Variants in TIMP3 observed in about 807,000 individuals in gnomAD.
The protein encoded by TIMP3 is metalloproteinase inhibitor 3.
Under a neutral mutation model 30.0 loss-of-function variants are expected in TIMP3, and 11 were observed. The ratio of observed to expected loss-of-function variants is 0.37; its 90% CI spans 0.23 to 0.61. TIMP3 has a LOEUF of 0.61. Ranked by LOEUF, TIMP3 falls within the 20% of genes least tolerant of loss-of-function variation. The pLI is 0.70. For missense variants in TIMP3, 181 were observed against 276.8 expected, an observed-to-expected ratio of 0.65 and a Z score of 2.45; for synonymous variants, 112 against 111.3, an observed-to-expected ratio of 1.01 and a Z score of -0.04.
At chr22:32,840,309 T>C (rs1303106303) in intron 1 of TIMP3, among the ~76,000 whole-genome samples, 1 of 152,168 alleles carries the variant, frequency 6.6e-6, no homozygotes, top group Non-Finnish European at 1.5e-5. Flanking sequence ...GGCTTTGAAC[T>C]GGGACTCCTT....
At chr22:32,814,339 G>GAAAGGAAGAAAGAAAGAA (rs369652077) in intron 1 of TIMP3, among the ~76,000 whole-genome samples, 1 of 10,350 alleles carries the variant, frequency 9.7e-5, no homozygotes, top group Admixed American at 1.4e-3. Context: ...AAGAAAGAAA[G>GAAAGGAAGAAAGAAAGAA]AGAAAGAAAG....
In TIMP3 at chr22:32,862,977, A is replaced by G. The variant is rs936817284; in HGVS notation, c.*3600A>G. On this transcript the variant is annotated 3_prime_UTR_variant, in exon 5 of 5. Transcript: ENST00000266085. ...AATGTATATTGTCTTGTAATGTTGCATAATGTTCACTTTTTATAGTGTGTC... is the reference window on the plus strand; with the variant it reads ...AATGTATATTGTCTTGTAATGTTGCGTAATGTTCACTTTTTATAGTGTGTC... 7 of 152,646 alleles carry G rather than the reference A, an allele frequency of 4.6e-5. No homozygotes were observed. Among genetic ancestry groups the G allele is most frequent in the African/African-American group, 1.7e-4 (7 of 41,462 alleles). The allele number at this position is 152,646 out of a possible 1,614,324, so 9.5% of individuals were successfully genotyped here.
intron 4 of TIMP3, 51 bp from the exon 5 acceptor site, chr22:32,859,129 T>C (rs774192591): frequency 6.3e-7 from 1 of 1,599,778 alleles, no homozygotes; most frequent in Non-Finnish European, 8.6e-7. Flanking sequence ...GCCTCAGGCC[T>C]GGGCATACCA....
At chr22:32,856,009 A>G (rs1253329406) in intron 2 of TIMP3, among the ~76,000 whole-genome samples, 1 of 152,238 alleles carries the variant, frequency 6.6e-6, no homozygotes, top group East Asian at 1.9e-4. Context: ...AATAAAAAAC[A>G]TGGAGAATTT....
intron 1 of TIMP3, among the ~76,000 whole-genome samples, chr22:32,842,774 G>T (rs1462116633): frequency 6.6e-6 from 1 of 152,094 alleles, no homozygotes; most frequent in African/African-American, 2.4e-5. Context: ...GAGCACAAAG[G>T]TCTAAACAGA....
At chr22:32,851,821 A>G (rs1319444068) in intron 2 of TIMP3, among the ~76,000 whole-genome samples, 1 of 152,104 alleles carries the variant, frequency 6.6e-6, no homozygotes, top group African/African-American at 2.4e-5. Flanking sequence ...GGGTATCATG[A>G]TCCATAGAAC....
At chr22:32,802,208 T>C in intron 1 of TIMP3, 86 bp downstream of exon 1, 3 of 1,505,596 alleles carry the variant, frequency 2.0e-6, no homozygotes, top group Non-Finnish European at 2.7e-6. Context: ...GCCCCACTCC[T>C]TTCCTCTGCC....
Position 32,857,909 on chromosome 22 carries a change from A to G in TIMP3, c.317-108A>G, listed in dbSNP as rs1176091419. On this transcript the variant is annotated intron_variant, in intron 3 of 4. Transcript: ENST00000266085. ...AAATAAAATCATGGGTCTGAAAAGTACCCAGCCACAGTGCCTGGGCTAAGT... is the reference window on the plus strand; with the variant it reads ...AAATAAAATCATGGGTCTGAAAAGTGCCCAGCCACAGTGCCTGGGCTAAGT... 11 of 1,550,156 alleles carry G rather than the reference A, an allele frequency of 7.1e-6. No individual in the cohort carries two copies. In the Admixed American group the frequency reaches 1.8e-4, roughly 26 times the overall value.
At chr22:32,847,539 A>G (rs1321615597) in intron 1 of TIMP3, among the ~76,000 whole-genome samples, 2 of 152,232 alleles carry the variant, frequency 1.3e-5, no homozygotes, top group African/African-American at 4.8e-5. Context: ...GGTAGGATCC[A>G]AGCTCATTTG....
At chr22:32,855,008 C>T (rs549564522) in intron 2 of TIMP3, among the ~76,000 whole-genome samples, 7 of 152,274 alleles carry the variant, frequency 4.6e-5, no homozygotes, top group South Asian at 2.1e-4. Context: ...AGAAGAGACA[C>T]CAATGAAGAG....
intron 1 of TIMP3, among the ~76,000 whole-genome samples, chr22:32,819,769 C>T (rs1481449839): frequency 6.6e-6 from 1 of 152,190 alleles, no homozygotes; most frequent in Non-Finnish European, 1.5e-5. Context: ...TCTGAAACAG[C>T]AAACTTGCTG....
intron 1 of TIMP3, among the ~76,000 whole-genome samples, chr22:32,832,408 A>G (rs1169030155): frequency 6.6e-6 from 1 of 152,198 alleles, no homozygotes; most frequent in Non-Finnish European, 1.5e-5. Context: ...ATAAAAAACA[A>G]GGGCTCCAGG....
intron 2 of TIMP3, among the ~76,000 whole-genome samples, chr22:32,852,774 T>C (rs572106726): frequency 4.6e-5 from 7 of 152,204 alleles, no homozygotes; most frequent in African/African-American, 1.4e-4. Flanking sequence ...GTTAGAATGT[T>C]GAGAGAGCTT....
chr22:32,857,795 T>G lies in TIMP3; in HGVS notation c.317-222T>G, dbSNP rs558482673. 2.6e-5 allele frequency among the ~76,000 whole-genome samples: 4 copies of G among 152,286 alleles called. No individual in the cohort carries two copies. The South Asian group carries it at 8.3e-4, about 32-fold the overall frequency. The stretch of plus-strand genomic sequence containing the variant: ...TCCAGTATTTAATGGGCTTGGGACC[T>G]TTGGCAAATCACTTTACCTCTCCAA... On this transcript the variant is annotated intron_variant, in intron 3 of 4. Transcript: ENST00000266085.
At chr22:32,816,172 T>G (rs1021072391) in intron 1 of TIMP3, among the ~76,000 whole-genome samples, 1 of 151,982 alleles carries the variant, frequency 6.6e-6, no homozygotes, top group Admixed American at 6.6e-5. Flanking sequence ...GAGGTCAGTG[T>G]ACCAGGTTGG....
intron 1 of TIMP3, 88 bp downstream of exon 1, chr22:32,802,210 T>G: frequency 2.0e-6 from 3 of 1,501,186 alleles, no homozygotes; most frequent in Middle Eastern, 1.7e-4. Flanking sequence ...CCCACTCCTT[T>G]CCTCTGCCCC....
Position 32,846,722 on chromosome 22 carries a change from T to C in TIMP3, c.122-2730T>C, listed in dbSNP as rs533476629. 9.9e-5 allele frequency among the ~76,000 whole-genome samples: 15 copies of C among 152,214 alleles called. No homozygotes were observed. The East Asian group carries it at 2.3e-3, about 24-fold the overall frequency. On this transcript the variant is annotated intron_variant, in intron 1 of 4. Transcript: ENST00000266085. ...ATGCAATGCTATGTTGCTGCTCCAA[T>C]AGTAATAAGCAAATCACTTGTTAGC... is the stretch of plus-strand genomic sequence containing the variant.
chr22:32,838,677 T>TGTCC, intron 1 of TIMP3, among the ~76,000 whole-genome samples: 1 of 152,100 alleles, frequency 6.6e-6, no homozygotes, highest in Non-Finnish European at 1.5e-5. Context: ...CATTTTTACT[T>TGTCC]GTCCCTTCCT....
At chr22:32,851,893 G>A (rs2048229056) in intron 2 of TIMP3, among the ~76,000 whole-genome samples, 2 of 152,130 alleles carry the variant, frequency 1.3e-5, no homozygotes, top group African/African-American at 4.8e-5. Context: ...GTACCAGCCT[G>A]CAAGTCAGAC....
Sources: allele counts gnomAD v4.1 joint callset (sites outside exome capture counted in the v4.1 genomes callset), GRCh38; gene constraint gnomAD v4.1.1; transcripts MANE v1.5; gene names NCBI Gene and HGNC (gene_info 2026-07-23, HGNC 2026-07-21).